PLEKHM2: variants seen among roughly 807,000 people sequenced by gnomAD.
PLEKHM2 encodes pleckstrin homology and RUN domain containing M2, also known as pleckstrin homology domain-containing family M member 2.
PLEKHM2 carries 77 observed loss-of-function variants against 116.3 expected under a neutral mutation model. That is an observed-to-expected ratio of 0.66 (90% CI 0.55 to 0.80). PLEKHM2 has a LOEUF of 0.80. Among genes scored for constraint, PLEKHM2 ranks in the 30% least tolerant of loss-of-function variants. The pLI is 0.00. For synonymous variants in PLEKHM2, 562 were observed against 571.0 expected (o/e 0.98, Z 0.22); for missense variants, 1,183 against 1,354.9 (o/e 0.87, Z 1.99).
At chr1:15,682,609 G>T (rs532238450), upstream of PLEKHM2, among the ~76,000 whole-genome samples, 1 of 150,050 alleles carries the variant, frequency 6.7e-6, no homozygotes, top group South Asian at 2.1e-4. Flanking sequence ...ACAGAGCAAG[G>T]CTCTGTCTCA....
intron 1 of PLEKHM2, among the ~76,000 whole-genome samples, chr1:15,713,733 TCC>T (rs1261757127): frequency 5.9e-5 from 9 of 151,866 alleles, no homozygotes; most frequent in Non-Finnish European, 1.0e-4. Flanking sequence ...CCTCCCGGGT[TCC>T]TGCCATTCTC....
At chr1:15,722,209 T>A (rs1325939328) in intron 7 of PLEKHM2, among the ~76,000 whole-genome samples, 1 of 152,242 alleles carries the variant, frequency 6.6e-6, no homozygotes, top group Non-Finnish European at 1.5e-5. Flanking sequence ...AGTGGTGTGA[T>A]CTTGGCTTAC....
At position 15,729,838 on chromosome 1, in the gene PLEKHM2, G is replaced by A. The variant is rs1238211701; in HGVS notation, c.2117G>A (p.Cys706Tyr). ...TTGAAGTCAGCCATGATCAAAGGCT[G>A]TCGAGAACCTCCCTACCCCAGCATC... is the stretch of plus-strand genomic sequence containing the variant. ...ASLKSAMIKGCREPPYPSILT... is the reference protein window; with the variant it reads ...ASLKSAMIKGYREPPYPSILT... Residue 706 changes from cysteine (C) to tyrosine (Y), a missense_variant, in exon 14 of 20, where the codon TGT (cysteine) becomes TAT (tyrosine). Transcript: ENST00000375799. This position sits in a 1 kb window ranked among gnomAD's most constrained non-coding sequence, Gnocchi z 4.7. The A allele has an allele frequency of 1.2e-6, 2 of 1,613,262 alleles. No individual in the cohort carries two copies. The highest frequency in any genetic ancestry group is 1.1e-5 in the South Asian group (1 of 91,084).
Position 15,719,662 on chromosome 1 carries a change from G to A in PLEKHM2, c.466-72G>A, listed in dbSNP as rs1205371684. 1 of 1,022,406 alleles carries A rather than the reference G, an allele frequency of 9.8e-7. No individual in the cohort carries two copies. The allele number at this position is 1,022,406 out of a possible 1,614,324, so 63.3% of individuals were successfully genotyped here. A position where few individuals can be genotyped will look rare whatever the true frequency, so the allele number is the denominator to read the frequency against. Reference sequence around the variant, plus strand: ...AGGCACATCTGTGTCTCCCAGGCCTGGATCCTGCTGTCTGCAGAAGGCCGC... The same window carrying A: ...AGGCACATCTGTGTCTCCCAGGCCTAGATCCTGCTGTCTGCAGAAGGCCGC... On this transcript the variant is annotated intron_variant, in intron 5 of 19. Coordinates refer to ENST00000375799, the MANE Select transcript of PLEKHM2 (RefSeq NM_015164.4). This position sits in a 1 kb window ranked among gnomAD's most constrained non-coding sequence, Gnocchi z 4.1.
intron 7 of PLEKHM2, chr1:15,722,864 C>G (rs950974237): frequency 9.2e-5 from 14 of 152,210 alleles, no homozygotes; most frequent in Admixed American, 9.2e-4. Flanking sequence ...AACTAACCCC[C>G]CTCCTGACAC....
chr1:15,716,011 C>A (rs1641435940), intron 1 of PLEKHM2, among the ~76,000 whole-genome samples: 1 of 152,212 alleles, frequency 6.6e-6, no homozygotes. Flanking sequence ...GGACTGCTGA[C>A]TGGGTGCCTC....
chr1:15,721,644 G>A lies in PLEKHM2; in HGVS notation c.712+256G>A, dbSNP rs76395188. Among the ~76,000 whole-genome samples, 5 of 152,134 alleles carry A rather than the reference G, an allele frequency of 3.3e-5. No homozygotes were observed. Among genetic ancestry groups the A allele is most frequent in the African/African-American group, 1.2e-4 (5 of 41,500 alleles). ...CGGAGTCACTAAGTGGCTGCATTTC[G>A]GGGGATACAGGGTCACCCTTCCTGA... On this transcript the variant is annotated intron_variant, in intron 7 of 19. Transcript: ENST00000375799. The surrounding 1 kb of genome is among the most constrained non-coding windows in gnomAD (Gnocchi z 5.1).
chr1:15,682,937 C>T (rs529675621), upstream of PLEKHM2: 16 of 152,364 alleles, frequency 1.1e-4, no homozygotes, highest in African/African-American at 3.6e-4. Flanking sequence ...GAGACTGACA[C>T]CTCTAAGTGC....
Position 15,725,511 on chromosome 1 carries a change from C to T in PLEKHM2, c.907C>T (p.Pro303Ser). The change falls in exon 8 of 20, where the codon CCG becomes TCG. Residue 303 changes from proline to serine, a missense_variant. Physicochemically the swap from Pro to Ser is moderately conservative, Grantham distance 74 (BLOSUM62 -1). Transcript: ENST00000375799. ...GAAGGAGGAGGCCCAGGCCCTGGACCCGCCGGATGCCTGCACGGAGCTCGA... is the reference window on the plus strand; with the variant it reads ...GAAGGAGGAGGCCCAGGCCCTGGACTCGCCGGATGCCTGCACGGAGCTCGA... ...QEKEEAQALDPPDACTELEVI... is the reference protein window; with the variant it reads ...QEKEEAQALDSPDACTELEVI... The T allele has an allele frequency of 1.3e-6, 2 of 1,574,710 alleles. No homozygotes were observed. Among genetic ancestry groups the T allele is most frequent in the Non-Finnish European group, 1.7e-6 (2 of 1,161,132 alleles).
At position 15,720,530 on chromosome 1, in the gene PLEKHM2, G is replaced by T. The variant is rs2067983197; in HGVS notation, c.652+610G>T. 13 of 973,212 alleles carry T rather than the reference G, an allele frequency of 1.3e-5. No homozygotes were observed. In the South Asian group the frequency reaches 2.9e-4, roughly 21 times the overall value. 60.3% of individuals were successfully genotyped at this position (973,212 alleles called of 1,614,324 possible). A position where few individuals can be genotyped will look rare whatever the true frequency, so the allele number is the denominator to read the frequency against. The stretch of plus-strand genomic sequence containing the variant: ...ACCCAATGATTTACTGGAACAGCCT[G>T]GTTTCTTTCAAACCTTAGGCCCTGG... On this transcript the variant is annotated intron_variant, in intron 6 of 19. Transcript: ENST00000375799.
intron 1 of PLEKHM2, 44 bp downstream of exon 1, chr1:15,684,662 G>A: frequency 4.3e-6 from 4 of 927,606 alleles, no homozygotes; most frequent in Non-Finnish European, 5.4e-6. Flanking sequence ...TCCTCGCCGC[G>A]CCCCCCACGC....
chr1:15,717,825 T>C, intron 3 of PLEKHM2, 68 bp from the exon 4 acceptor site: 1 of 1,012,126 alleles, frequency 9.9e-7, no homozygotes, highest in Admixed American at 2.0e-5. Flanking sequence ...CTTTCTGCGC[T>C]TGCTTGGCAA....
chr1:15,682,646 A>C (rs1337551500), upstream of PLEKHM2, among the ~76,000 whole-genome samples: 1 of 73,768 alleles, frequency 1.4e-5, no homozygotes, highest in Non-Finnish European at 2.6e-5. Flanking sequence ...AACAAAACAA[A>C]AAAAACAAAA....
Position 15,727,358 on chromosome 1 carries a change from G to A in PLEKHM2, c.1286G>A (p.Arg429His), listed in dbSNP as rs61739679. Residue 429 changes from arginine to histidine, a missense_variant, in exon 9 of 20, where the codon CGT becomes CAT. Physicochemically the swap from Arg to His is conservative, Grantham distance 29. This residue lies in a region of PLEKHM2 where 372 missense variants were observed against 357.2 expected (regional missense o/e 1.04). Coordinates refer to ENST00000375799, the MANE Select transcript of PLEKHM2 (RefSeq NM_015164.4). The surrounding 1 kb of genome is among the most constrained non-coding windows in gnomAD (Gnocchi z 7.5). ...CTGGACCCCAGCACCTGGTGCTCCCGTGCTGAGCCCCCAGACCAGTCCTTT... is the reference window on the plus strand; with the variant it reads ...CTGGACCCCAGCACCTGGTGCTCCCATGCTGAGCCCCCAGACCAGTCCTTT... Reference protein sequence around the residue: ...GQLDPSTWCSRAEPPDQSFRT... With the variant: ...GQLDPSTWCSHAEPPDQSFRT... The A allele has an allele frequency of 8.0e-4, 1,282 of 1,599,116 alleles. 8 individuals carry two copies. The African/African-American group carries it at 0.013, about 16-fold the overall frequency.
At position 15,684,626 on chromosome 1, in the gene PLEKHM2, C is replaced by T; in HGVS notation, c.60+8C>T. 7.8e-7 allele frequency: 1 copy of T among 1,281,804 alleles called. No homozygotes were observed. Among genetic ancestry groups the T allele is most frequent in the Middle Eastern group, 2.2e-4 (1 of 4,548 alleles). 79.4% of individuals were successfully genotyped at this position (1,281,804 alleles called of 1,614,324 possible). A position where few individuals can be genotyped will look rare whatever the true frequency, so the allele number is the denominator to read the frequency against. ...TCGCTGTCGGTGAAGAAGGTGAGCG[C>T]GGCCTCCCTCCCGGCCGGGGCCCCT... On this transcript the variant is annotated splice_region_variant and intron_variant, in intron 1 of 19. Coordinates refer to ENST00000375799, the MANE Select transcript of PLEKHM2 (RefSeq NM_015164.4).
chr1:15,729,327 C>A lies in PLEKHM2; in HGVS notation c.2075+137C>A. ...AAACCAGATGTATTCCCTCTGGAAC[C>A]TGCATCTGCTCAGAGAGGCAGGCAA... On this transcript the variant is annotated intron_variant, in intron 13 of 19. Transcript: ENST00000375799. The surrounding 1 kb of genome is among the most constrained non-coding windows in gnomAD (Gnocchi z 4.7). 1.4e-6 allele frequency: 1 copy of A among 732,988 alleles called. No homozygotes were observed. The highest frequency in any genetic ancestry group is 2.4e-6 in the Non-Finnish European group (1 of 416,608). The allele number at this position is 732,988 out of a possible 1,614,324, so 45.4% of individuals were successfully genotyped here. A position where few individuals can be genotyped will look rare whatever the true frequency, so the allele number is the denominator to read the frequency against.
chr1:15,728,031 T>C lies in PLEKHM2; in HGVS notation c.1761-48T>C, dbSNP rs1435162177. ...GCTCTGGGGTGGGGTGTGGCCTCTC[T>C]CACCGCTGCCTGCCTGACATCTCGC... On this transcript the variant is annotated intron_variant, in intron 9 of 19. Transcript: ENST00000375799. This position sits in a 1 kb window ranked among gnomAD's most constrained non-coding sequence, Gnocchi z 5.9. 1.3e-6 allele frequency: 2 copies of C among 1,499,204 alleles called. No homozygotes were observed. The highest frequency in any genetic ancestry group is 9.2e-7 in the Non-Finnish European group (1 of 1,088,790). 92.9% of individuals were successfully genotyped at this position (1,499,204 alleles called of 1,614,324 possible).
Position 15,732,673 on chromosome 1 carries a change from C to G in PLEKHM2, c.2867C>G (p.Ser956Cys). ...PPWVIYLSCT[S>C]ELDRLLSALN... ...TGGGTCATCTACCTGAGCTGCACTT[C>G]TGAACTGGACCGATTGCTGTCTGCA... Residue 956 changes from serine to cysteine, a missense_variant, in exon 19 of 20, where the codon TCT becomes TGT. This residue lies in a region of PLEKHM2 where 594 missense variants were observed against 720.1 expected (regional missense o/e 0.82). Transcript: ENST00000375799. 1.2e-6 allele frequency: 2 copies of G among 1,610,888 alleles called. No homozygotes were observed. The highest frequency in any genetic ancestry group is 2.2e-5 in the South Asian group (2 of 90,502).
At chr1:15,724,651 C>T (rs1371879965) in intron 7 of PLEKHM2, among the ~76,000 whole-genome samples, 1 of 152,160 alleles carries the variant, frequency 6.6e-6, no homozygotes, top group Admixed American at 6.5e-5. Context: ...CATTGCCCTG[C>T]TCTGTCATCT....
Sources: allele counts gnomAD v4.1 joint callset (sites outside exome capture counted in the v4.1 genomes callset), GRCh38; gene constraint gnomAD v4.1.1; regional missense constraint gnomAD v4.1.1; non-coding constraint Gnocchi (gnomAD v3.1); transcripts MANE v1.5; gene names NCBI Gene and HGNC (gene_info 2026-07-23, HGNC 2026-07-21).